Variants in NCKAP5 observed in about 807,000 individuals in gnomAD.
The protein encoded by NCKAP5 is NCK associated protein 5, also known as nck-associated protein 5.
A neutral mutation model predicts 167.0 loss-of-function variants in NCKAP5; 92 were observed. That is an observed-to-expected ratio of 0.55 (90% CI 0.47 to 0.66). The LOEUF (loss-of-function observed/expected upper bound fraction) is 0.66, where lower values mean the gene tolerates loss of function less well. Ranked by LOEUF, NCKAP5 falls within the 30% of genes least tolerant of loss-of-function variation. NCKAP5 has a pLI of 0.00. For missense variants in NCKAP5, 2,378 were observed against 2,315.0 expected, an observed-to-expected ratio of 1.03 and a Z score of -0.56; for synonymous variants, 891 against 877.4, an observed-to-expected ratio of 1.02 and a Z score of -0.27.
intron 8 of NCKAP5, among the ~76,000 whole-genome samples, chr2:132,916,709 C>T (rs1171816929): frequency 6.6e-6 from 1 of 152,032 alleles, no homozygotes; most frequent in African/African-American, 2.4e-5. Flanking sequence ...ATATGTGGCA[C>T]TAGCTGCTTA....
In NCKAP5 at chr2:133,221,863, T is replaced by G. The variant is rs78091921; in HGVS notation, c.144-8084A>C. Among the ~76,000 whole-genome samples the G allele has an allele frequency of 4.0e-3, 606 of 152,344 alleles. 6 individuals carry two copies. Among genetic ancestry groups the G allele is most frequent in the African/African-American group, 0.013 (537 of 41,570 alleles). On this transcript the variant is annotated intron_variant, in intron 4 of 19. Coordinates refer to ENST00000409261, the MANE Select transcript of NCKAP5 (RefSeq NM_207363.3). ...ATTCTATGTTATTCTCTAACTTCAT[T>G]AAGTCTTTTGAATGCAATGCTGTTA...
intron 6 of NCKAP5, among the ~76,000 whole-genome samples, chr2:133,000,527 T>C (rs948131596): frequency 6.6e-5 from 10 of 152,194 alleles, no homozygotes; most frequent in African/African-American, 2.4e-4. Flanking sequence ...TGGATGCCTA[T>C]GTAGTAGGGT....
At chr2:133,319,326 T>A (rs1288258956) in intron 3 of NCKAP5, among the ~76,000 whole-genome samples, 1 of 152,206 alleles carries the variant, frequency 6.6e-6, no homozygotes, top group Non-Finnish European at 1.5e-5. Flanking sequence ...TGAAGTTTAA[T>A]TAAAATAATG....
chr2:133,642,610 C>T, the NCKAP5 span, among the ~76,000 whole-genome samples: 9 of 152,118 alleles, frequency 5.9e-5, no homozygotes, highest in African/African-American at 1.2e-4. Flanking sequence ...TAGAGTGAGA[C>T]GAACATGTTT....
At chr2:132,856,204 G>T (rs1031873107) in intron 11 of NCKAP5, among the ~76,000 whole-genome samples, 6 of 152,104 alleles carry the variant, frequency 3.9e-5, no homozygotes, top group African/African-American at 1.4e-4. Context: ...TTTCTTATAT[G>T]TTATTTTCCT....
At chr2:133,543,817 T>C (rs1011563076) in intron 2 of NCKAP5, among the ~76,000 whole-genome samples, 5 of 152,242 alleles carry the variant, frequency 3.3e-5, no homozygotes, top group African/African-American at 1.2e-4. Flanking sequence ...TTGTTCCCCT[T>C]CTGGGGTACT....
chr2:132,738,052 T>C (rs1691684126), intron 16 of NCKAP5, among the ~76,000 whole-genome samples: 1 of 152,240 alleles, frequency 6.6e-6, no homozygotes, highest in Admixed American at 6.5e-5. Flanking sequence ...TCATCGTTAA[T>C]GGATGTGAAC....
chr2:132,794,629 T>G (rs1684423251), intron 12 of NCKAP5, among the ~76,000 whole-genome samples: 1 of 135,050 alleles, frequency 7.4e-6, no homozygotes, highest in African/African-American at 2.8e-5. Flanking sequence ...GAGTGAGACT[T>G]CATCTCAACA....
chr2:133,480,357 A>G (rs1000635308), intron 3 of NCKAP5, among the ~76,000 whole-genome samples: 12 of 152,112 alleles, frequency 7.9e-5, no homozygotes, highest in Non-Finnish European at 1.5e-4. Context: ...TTCCCTTCTA[A>G]CAAACACACT....
chr2:133,147,116 A>G (rs998935598), intron 5 of NCKAP5, among the ~76,000 whole-genome samples: 2 of 152,190 alleles, frequency 1.3e-5, no homozygotes, highest in Non-Finnish European at 2.9e-5. Context: ...CAAAATTGCC[A>G]CCAAGTGGAC....
chr2:133,165,803 C>T (rs780289481), intron 5 of NCKAP5, among the ~76,000 whole-genome samples: 1 of 152,152 alleles, frequency 6.6e-6, no homozygotes, highest in Non-Finnish European at 1.5e-5. Context: ...GGTAGAAATC[C>T]TAAGCCTTTT....
At chr2:133,302,952 T>C in intron 4 of NCKAP5, 85 bp downstream of exon 4, 1 of 934,724 alleles carries the variant, frequency 1.1e-6, no homozygotes, top group Non-Finnish European at 1.7e-6. Context: ...GTATATATTC[T>C]GTAGTCTAAC....
intron 3 of NCKAP5, among the ~76,000 whole-genome samples, chr2:133,422,460 G>C (rs1689540895): frequency 6.6e-6 from 1 of 152,292 alleles, no homozygotes; most frequent in East Asian, 1.9e-4. Flanking sequence ...TACAAATCGA[G>C]GGGGATTCTT....
chr2:133,090,999 G>T (rs1035722614), intron 6 of NCKAP5, among the ~76,000 whole-genome samples: 25 of 152,068 alleles, frequency 1.6e-4, no homozygotes, highest in African/African-American at 6.0e-4. Context: ...CCCCCTTGCT[G>T]TTCTTGTGAT....
At chr2:133,456,093 A>G (rs1691840898) in intron 3 of NCKAP5, among the ~76,000 whole-genome samples, 1 of 152,142 alleles carries the variant, frequency 6.6e-6, no homozygotes, top group Non-Finnish European at 1.5e-5. Context: ...TCACTTTATG[A>G]TCTCAAGGAA....
At chr2:133,121,353 T>C (rs1371113761) in intron 6 of NCKAP5, among the ~76,000 whole-genome samples, 3 of 152,220 alleles carry the variant, frequency 2.0e-5, no homozygotes, top group Admixed American at 6.5e-5. Context: ...CATTAAATGA[T>C]GACACTATTA....
At chr2:133,411,879 T>G (rs1688793356) in intron 3 of NCKAP5, among the ~76,000 whole-genome samples, 1 of 152,218 alleles carries the variant, frequency 6.6e-6, no homozygotes, top group African/African-American at 2.4e-5. Context: ...CTCCCCATGA[T>G]GTACACACAC....
intron 6 of NCKAP5, among the ~76,000 whole-genome samples, chr2:133,081,985 G>T (rs1052556074): frequency 6.6e-6 from 1 of 152,094 alleles, no homozygotes; most frequent in African/African-American, 2.4e-5. Context: ...TCTTTATCCA[G>T]ATAGTAAGCA....
intron 3 of NCKAP5, among the ~76,000 whole-genome samples, chr2:133,516,873 C>A (rs1359574825): frequency 6.6e-6 from 1 of 152,188 alleles, no homozygotes; most frequent in African/African-American, 2.4e-5. Flanking sequence ...AGAAGAATAG[C>A]CAACCATCAG....
Sources: allele counts gnomAD v4.1 joint callset (sites outside exome capture counted in the v4.1 genomes callset), GRCh38; gene constraint gnomAD v4.1.1; transcripts MANE v1.5; gene names NCBI Gene and HGNC (gene_info 2026-07-23, HGNC 2026-07-21).